The following CACNB2 variants were observed in gnomAD, a reference collection of about 807,000 sequenced individuals.
CACNB2 encodes the protein voltage-dependent L-type calcium channel subunit beta-2.
Under a neutral mutation model 73.3 loss-of-function variants are expected in CACNB2, and 42 were observed. The ratio of observed to expected loss-of-function variants is 0.57; its 90% CI spans 0.45 to 0.74. The LOEUF (loss-of-function observed/expected upper bound fraction) is 0.74. CACNB2 is among the 30% of genes least tolerant of loss of function. The pLI is 0.00. For missense variants in CACNB2, 940 were observed against 853.0 expected (o/e 1.10, Z -1.27); for synonymous variants, 348 against 310.3 (o/e 1.12, Z -1.28).
In CACNB2 at chr10:18,542,726, A is replaced by G. The variant is rs993073646; in HGVS notation, c.*3002A>G. 6.6e-6 allele frequency: 1 copy of G among 152,316 alleles called. No individual in the cohort carries two copies. Among genetic ancestry groups the G allele is most frequent in the South Asian group, 2.1e-4 (1 of 4,822 alleles). 9.4% of individuals were successfully genotyped at this position (152,316 alleles called of 1,614,324 possible). ...GTGTAAACTGTGTAGTAAATCTGTA[A>G]ATGAGGAAATAATCTCAAGGGCAAT... On this transcript the variant is annotated 3_prime_UTR_variant, in exon 14 of 14. Transcript: ENST00000324631.
chr10:18,260,709 G>A (rs2037497086), intron 2 of CACNB2: 1 of 995,480 alleles, frequency 1.0e-6, no homozygotes, highest in Non-Finnish European at 1.2e-6. Context: ...CCAGGATGCT[G>A]CTGTCAGCCT....
chr10:18,511,134 T>G lies in CACNB2; in HGVS notation c.671-3102T>G, dbSNP rs149305672. 2.2e-4 allele frequency among the ~76,000 whole-genome samples: 33 copies of G among 152,318 alleles called. 2 individuals are homozygous for G. In the East Asian group the frequency reaches 3.5e-3, roughly 16 times the overall value. ...CTCTACATACCACATGTTAAACCTT[T>G]TAGCACATCAGTATGCATAGATGGG... On this transcript the variant is annotated intron_variant, in intron 6 of 13. Coordinates refer to ENST00000324631, the MANE Select transcript of CACNB2 (RefSeq NM_201596.3).
intron 3 of CACNB2, among the ~76,000 whole-genome samples, chr10:18,449,519 T>G (rs537961603): frequency 3.4e-4 from 51 of 152,122 alleles, no homozygotes; most frequent in African/African-American, 1.2e-3. Flanking sequence ...TCAGAGGGGG[T>G]TTGCTAAGAA....
intron 2 of CACNB2, among the ~76,000 whole-genome samples, chr10:18,171,481 T>C (rs183692839): frequency 2.8e-4 from 36 of 128,226 alleles, no homozygotes; most frequent in Middle Eastern, 5.2e-3. Context: ...AACATGGCAG[T>C]TGGAAGCTCC....
chr10:18,197,257 A>G (rs535206381), intron 2 of CACNB2, among the ~76,000 whole-genome samples: 1 of 152,186 alleles, frequency 6.6e-6, no homozygotes, highest in African/African-American at 2.4e-5. Context: ...TGAATGAGCA[A>G]ATCCCTTCCT....
intron 2 of CACNB2, among the ~76,000 whole-genome samples, chr10:18,397,322 G>A (rs919028659): frequency 7.9e-5 from 12 of 151,974 alleles, no homozygotes; most frequent in African/African-American, 1.4e-4. Flanking sequence ...AAAATTAGCC[G>A]GGCCTGGTGG....
At chr10:18,254,477 T>G (rs1011647152) in intron 2 of CACNB2, among the ~76,000 whole-genome samples, 5 of 152,106 alleles carry the variant, frequency 3.3e-5, no homozygotes, top group African/African-American at 1.2e-4. Context: ...TGCGTCTAGG[T>G]GGTAAATAAA....
At chr10:18,406,879 A>T (rs1655727689) in intron 3 of CACNB2, among the ~76,000 whole-genome samples, 1 of 152,074 alleles carries the variant, frequency 6.6e-6, no homozygotes, top group Admixed American at 6.6e-5. Flanking sequence ...TAAAGAAGAG[A>T]GAAATGCCTC....
chr10:18,446,546 G>A (rs2046744934), intron 3 of CACNB2, among the ~76,000 whole-genome samples: 1 of 152,148 alleles, frequency 6.6e-6, no homozygotes, highest in South Asian at 2.1e-4. Flanking sequence ...GAGGAGATGG[G>A]TGATAAAGGG....
chr10:18,412,024 G>A (rs1029980374), intron 3 of CACNB2, among the ~76,000 whole-genome samples: 1 of 152,172 alleles, frequency 6.6e-6, no homozygotes, highest in African/African-American at 2.4e-5. Flanking sequence ...CAGGTGACCT[G>A]GGATGGCTTG....
At chr10:18,184,379 A>G (rs1228677425) in intron 2 of CACNB2, among the ~76,000 whole-genome samples, 4 of 152,200 alleles carry the variant, frequency 2.6e-5, no homozygotes, top group African/African-American at 9.6e-5. Context: ...GTTTAGATTT[A>G]TCAAATTATT....
At chr10:18,356,753 C>T (rs569298210) in intron 2 of CACNB2, among the ~76,000 whole-genome samples, 81 of 152,038 alleles carry the variant, frequency 5.3e-4, no homozygotes, top group African/African-American at 1.8e-3. Flanking sequence ...ATCTCAGCCT[C>T]CAAGTAGCTG....
intron 2 of CACNB2, among the ~76,000 whole-genome samples, chr10:18,398,608 C>G (rs543525215): frequency 4.6e-5 from 7 of 152,016 alleles, no homozygotes; most frequent in Middle Eastern, 3.4e-3. Context: ...GAGGTCAAGG[C>G]TGCAGTAAGC....
chr10:18,508,505 T>C (rs1419924538), intron 6 of CACNB2, among the ~76,000 whole-genome samples: 1 of 152,174 alleles, frequency 6.6e-6, no homozygotes, highest in African/African-American at 2.4e-5. Context: ...TACTAGGCTC[T>C]TAAAGTGGAA....
chr10:18,262,564 A>C (rs553779151), intron 2 of CACNB2, among the ~76,000 whole-genome samples: 1 of 152,346 alleles, frequency 6.6e-6, no homozygotes, highest in Non-Finnish European at 1.5e-5. Flanking sequence ...TCCAGTCAAA[A>C]AATTAATTGC....
intron 2 of CACNB2, among the ~76,000 whole-genome samples, chr10:18,248,626 T>C (rs1291759410): frequency 6.6e-6 from 1 of 152,230 alleles, no homozygotes; most frequent in Admixed American, 6.5e-5. Context: ...TTTAAACATA[T>C]CTTAAAAGAG....
chr10:18,386,307 A>G (rs1382241146), intron 2 of CACNB2, among the ~76,000 whole-genome samples: 2 of 151,756 alleles, frequency 1.3e-5, no homozygotes, highest in African/African-American at 4.8e-5. Context: ...GTATTAATAT[A>G]TGAAGGCATC....
chr10:18,316,429 A>G (rs1318634479), intron 2 of CACNB2, among the ~76,000 whole-genome samples: 2 of 151,338 alleles, frequency 1.3e-5, no homozygotes, highest in African/African-American at 4.9e-5. Flanking sequence ...ATCTGTATTG[A>G]TAACTAGAAA....
rs942701563 is a variant in CACNB2 at position 18,540,512 on chromosome 10, T to G, written c.*788T>G. The G allele has an allele frequency of 6.6e-6, 1 of 152,398 alleles. No individual in the cohort carries two copies. Among genetic ancestry groups the G allele is most frequent in the Non-Finnish European group, 1.5e-5 (1 of 67,896 alleles). The allele number at this position is 152,398 out of a possible 1,614,324, so 9.4% of individuals were successfully genotyped here. Reference sequence around the variant, plus strand: ...TGTACATACTGTAAATATGTGTGATTGCTTGACTTGAAAAGGTTTGAATTC... The same window carrying G: ...TGTACATACTGTAAATATGTGTGATGGCTTGACTTGAAAAGGTTTGAATTC... On this transcript the variant is annotated 3_prime_UTR_variant, in exon 14 of 14. Transcript: ENST00000324631.
Sources: allele counts gnomAD v4.1 joint callset (sites outside exome capture counted in the v4.1 genomes callset), GRCh38; gene constraint gnomAD v4.1.1; transcripts MANE v1.5; gene names NCBI Gene and HGNC (gene_info 2026-07-23, HGNC 2026-07-21).